The following CYP39A1 variants were observed in gnomAD, a reference collection of about 807,000 sequenced individuals.
The protein encoded by CYP39A1 is cytochrome P450 family 39 subfamily A member 1.
CYP39A1 carries 49 observed loss-of-function variants against 58.1 expected under a neutral mutation model. The observed-to-expected ratio is 0.84, with a 90% CI of 0.67 to 1.07. The LOEUF (loss-of-function observed/expected upper bound fraction) is 1.07, where lower values mean the gene tolerates loss of function less well. Among genes scored for constraint, CYP39A1 ranks in the 50% least tolerant of loss-of-function variants. The probability of loss-of-function intolerance (pLI) is 0.00; values close to 1 mark genes in which losing one functional copy is unlikely to be tolerated. For missense variants in CYP39A1, 531 were observed against 539.4 expected (o/e 0.98, Z 0.16); for synonymous variants, 209 against 187.6 (o/e 1.11, Z -0.93).
At chr6:46,567,098 T>C (rs912705230) in intron 10 of CYP39A1, among the ~76,000 whole-genome samples, 5 of 152,092 alleles carry the variant, frequency 3.3e-5, no homozygotes, top group Non-Finnish European at 5.9e-5. Flanking sequence ...CCAGAACTTA[T>C]TAATCTTGTA....
At chr6:46,650,623 C>A (rs1762626541) in intron 1 of CYP39A1, among the ~76,000 whole-genome samples, 1 of 150,678 alleles carries the variant, frequency 6.6e-6, no homozygotes, top group South Asian at 2.1e-4. Context: ...CCCGCCTCAG[C>A]CTCTCGAGGA....
chr6:46,595,976 C>T lies in CYP39A1; in HGVS notation c.1065+11G>A. 1 of 1,606,424 alleles carries T rather than the reference C, an allele frequency of 6.2e-7. No individual in the cohort carries two copies. The highest frequency in any genetic ancestry group is 8.5e-7 in the Non-Finnish European group (1 of 1,177,296). ...GAAGGTTGATTCATTTAAAACCAAA[C>T]CAAAGCTTACCAAAATTTCCACAGG... On this transcript the variant is annotated intron_variant, in intron 8 of 11. Coordinates refer to ENST00000275016, the MANE Select transcript of CYP39A1 (RefSeq NM_016593.5).
chr6:46,560,149 A>G (rs532833345), intron 10 of CYP39A1, among the ~76,000 whole-genome samples: 2 of 152,332 alleles, frequency 1.3e-5, no homozygotes, highest in Non-Finnish European at 2.9e-5. Context: ...CAGAGTTAGA[A>G]GAATGAGAAA....
intron 7 of CYP39A1, among the ~76,000 whole-genome samples, chr6:46,596,549 T>A (rs1441388747): frequency 2.0e-5 from 3 of 151,830 alleles, no homozygotes; most frequent in Non-Finnish European, 2.9e-5. Context: ...CTTCTGCCTT[T>A]ACCCTTTTGA....
chr6:46,585,223 A>G (rs574276299), intron 10 of CYP39A1, among the ~76,000 whole-genome samples: 1 of 152,264 alleles, frequency 6.6e-6, no homozygotes, highest in South Asian at 2.1e-4. Context: ...CCATTGGCCC[A>G]TACTACACAC....
intron 5 of CYP39A1, among the ~76,000 whole-genome samples, chr6:46,633,891 C>A (rs1775806552): frequency 6.6e-6 from 1 of 152,034 alleles, no homozygotes; most frequent in Non-Finnish European, 1.5e-5. Flanking sequence ...CCACACAAAA[C>A]ACACAAACAC....
intron 10 of CYP39A1, among the ~76,000 whole-genome samples, chr6:46,555,575 C>T (rs1469145859): frequency 1.3e-5 from 2 of 152,198 alleles, no homozygotes; most frequent in East Asian, 3.9e-4. Flanking sequence ...TATCCCTTAA[C>T]TAATGCCTTT....
chr6:46,557,578 G>T (rs1409598999), intron 10 of CYP39A1, among the ~76,000 whole-genome samples: 1 of 151,082 alleles, frequency 6.6e-6, no homozygotes, highest in Admixed American at 6.6e-5. Flanking sequence ...GGGAGGAGGA[G>T]GTTGCACGGA....
intron 10 of CYP39A1, among the ~76,000 whole-genome samples, chr6:46,556,140 C>A (rs975469707): frequency 2.0e-5 from 3 of 152,188 alleles, no homozygotes; most frequent in African/African-American, 7.2e-5. Context: ...TTGGTGTTAT[C>A]TTCCTGCCTT....
chr6:46,611,325 C>G (rs1774200235), intron 7 of CYP39A1, among the ~76,000 whole-genome samples: 1 of 152,212 alleles, frequency 6.6e-6, no homozygotes, highest in African/African-American at 2.4e-5. Flanking sequence ...TAACAATAGG[C>G]AAAGCCTGGA....
At chr6:46,633,421 C>A (rs999966169) in intron 5 of CYP39A1, among the ~76,000 whole-genome samples, 3 of 152,064 alleles carry the variant, frequency 2.0e-5, no homozygotes, top group Admixed American at 1.3e-4. Context: ...TGCAATAAAG[C>A]GTGTATATAT....
In CYP39A1 at chr6:46,579,600, CTAGAAAACCCTACT is replaced by C. The variant is rs1423646945; in HGVS notation, c.1250+7463_1250+7476del. 2.6e-5 allele frequency among the ~76,000 whole-genome samples: 4 copies of C among 151,966 alleles called. No homozygotes were observed. In the East Asian group the frequency reaches 5.8e-4, roughly 22 times the overall value. On this transcript the variant is annotated intron_variant, in intron 10 of 11. Transcript: ENST00000275016. The stretch of plus-strand genomic sequence containing the variant: ...CTTCACAAACGATATGATTCTATAC[CTAGAAAACCCTACT>C]GTCTGTCCCAAATCTCCTAAAACTG...
At chr6:46,570,901 GAC>G (rs1432193465) in intron 10 of CYP39A1, among the ~76,000 whole-genome samples, 1 of 152,078 alleles carries the variant, frequency 6.6e-6, no homozygotes, top group African/African-American at 2.4e-5. Context: ...ATTTTGAGAG[GAC>G]ACACATCCAT....
chr6:46,562,416 T>A (rs1771029752), intron 10 of CYP39A1, among the ~76,000 whole-genome samples: 2 of 152,142 alleles, frequency 1.3e-5, no homozygotes, highest in Admixed American at 6.5e-5. Context: ...TTTTACAACA[T>A]GTACATATTC....
chr6:46,586,404 T>C, intron 10 of CYP39A1: 1 of 981,406 alleles, frequency 1.0e-6, no homozygotes, highest in Non-Finnish European at 1.2e-6. Context: ...TTGTAAATTC[T>C]ATGAAGTCAG....
At chr6:46,582,111 T>C (rs905767679) in intron 10 of CYP39A1, among the ~76,000 whole-genome samples, 4 of 152,214 alleles carry the variant, frequency 2.6e-5, no homozygotes, top group Admixed American at 2.0e-4. Flanking sequence ...CTTGTGAAAA[T>C]GTTAGGAAAC....
At chr6:46,583,199 C>T (rs895299135) in intron 10 of CYP39A1, 1 of 985,232 alleles carries the variant, frequency 1.0e-6, no homozygotes, top group African/African-American at 1.7e-5. Flanking sequence ...TCTTCTTATC[C>T]AAGCATGCCT....
chr6:46,611,377 T>G (rs1774203771), intron 7 of CYP39A1, among the ~76,000 whole-genome samples: 1 of 152,248 alleles, frequency 6.6e-6, no homozygotes, highest in Admixed American at 6.5e-5. Flanking sequence ...TATGAAGGAC[T>G]GACTGCAACG....
intron 10 of CYP39A1, among the ~76,000 whole-genome samples, chr6:46,557,959 A>G (rs550073805): frequency 1.5e-3 from 234 of 151,100 alleles, no homozygotes; most frequent in African/African-American, 5.4e-3. Context: ...AAAAAAGAAA[A>G]AAAGAAAAAG....
Sources: allele counts gnomAD v4.1 joint callset (sites outside exome capture counted in the v4.1 genomes callset), GRCh38; gene constraint gnomAD v4.1.1; transcripts MANE v1.5; gene names NCBI Gene and HGNC (gene_info 2026-07-23, HGNC 2026-07-21).